Variants in AGMO observed in about 807,000 individuals in gnomAD.
The protein encoded by AGMO is alkylglycerol monooxygenase, also known as glyceryl-ether monooxygenase.
Under a neutral mutation model 60.2 loss-of-function variants are expected in AGMO, and 75 were observed. The ratio of observed to expected loss-of-function variants is 1.25; its 90% CI spans 1.03 to 1.51. The LOEUF (loss-of-function observed/expected upper bound fraction) is 1.51. AGMO is among the 40% of genes most tolerant of loss of function. AGMO has a pLI of 0.00. For synonymous variants in AGMO, 261 were observed against 177.1 expected, an observed-to-expected ratio of 1.47 and a Z score of -3.76; for missense variants, 763 against 525.5, an observed-to-expected ratio of 1.45 and a Z score of -4.42.
At chr7:15,137,755 C>T in the AGMO span, among the ~76,000 whole-genome samples, 2 of 152,114 alleles carry the variant, frequency 1.3e-5, no homozygotes, top group Admixed American at 1.3e-4. Flanking sequence ...CAAATGTCAC[C>T]ATAGGTAAGG....
At chr7:15,368,598 T>A (rs1005300955) in intron 10 of AGMO, among the ~76,000 whole-genome samples, 9 of 152,120 alleles carry the variant, frequency 5.9e-5, no homozygotes, top group African/African-American at 2.2e-4. Context: ...GTAATCTTAT[T>A]AAATACTTAA....
intron 2 of AGMO, among the ~76,000 whole-genome samples, chr7:15,557,721 G>GA (rs1291120134): frequency 6.6e-5 from 10 of 151,932 alleles, no homozygotes; most frequent in Admixed American, 2.6e-4. Flanking sequence ...CTGTAAAAGA[G>GA]AAAATTCCTT....
In AGMO at chr7:15,417,677, G is replaced by A. The variant is rs921921821; in HGVS notation, c.609+881C>T. Among the ~76,000 whole-genome samples, 16 of 152,078 alleles carry A rather than the reference G, an allele frequency of 1.1e-4. No homozygotes were observed. In the Middle Eastern group the frequency reaches 9.5e-3, roughly 90 times the overall value. On this transcript the variant is annotated intron_variant, in intron 5 of 12. Transcript: ENST00000342526. ...TAATGCTACATATGTCCAAAGTCAC[G>A]GTAACAGTCTCTTTATTCCAAGTAA...
chr7:15,125,369 T>C, the AGMO span, among the ~76,000 whole-genome samples: 1 of 152,224 alleles, frequency 6.6e-6, no homozygotes, highest in South Asian at 2.1e-4. Flanking sequence ...TGGCTAGAAG[T>C]GCAGTGGAGG....
intron 12 of AGMO, among the ~76,000 whole-genome samples, chr7:15,319,424 A>T (rs1437351892): frequency 6.6e-6 from 1 of 152,146 alleles, no homozygotes; most frequent in Non-Finnish European, 1.5e-5. Context: ...CTGAATTTGG[A>T]CTGGGGATCC....
chr7:15,321,800 AGATT>A (rs1291954662), intron 12 of AGMO, among the ~76,000 whole-genome samples: 13 of 152,094 alleles, frequency 8.5e-5, no homozygotes, highest in African/African-American at 1.4e-4. Flanking sequence ...AAATATGGCT[AGATT>A]GATTATTATT....
chr7:15,354,437 T>TAC lies in AGMO; in HGVS notation c.1263+11076_1263+11077insGT, dbSNP rs1563105558. 9.2e-4 allele frequency among the ~76,000 whole-genome samples: 19 copies of TAC among 20,550 alleles called. 4 individuals are homozygous for TAC. In the African/African-American group the frequency reaches 9.8e-3, roughly 11 times the overall value. The allele number at this position is 20,550 out of a possible 152,430, so 13.5% of individuals were successfully genotyped here. On this transcript the variant is annotated intron_variant, in intron 12 of 12. Coordinates refer to ENST00000342526, the MANE Select transcript of AGMO (RefSeq NM_001004320.2). Reference sequence around the variant, plus strand: ...GTGTGTGTATACACACACGTGTGTGTATACACACGTGTGTGTATACACACG... The same window carrying TAC: ...GTGTGTGTATACACACACGTGTGTGTACATACACACGTGTGTGTATACACACG...
intron 12 of AGMO, among the ~76,000 whole-genome samples, chr7:15,210,975 T>A (rs1040550003): frequency 2.6e-5 from 4 of 151,976 alleles, no homozygotes; most frequent in Non-Finnish European, 4.4e-5. Context: ...GTGTCATAAG[T>A]AAATTAGTGA....
chr7:15,514,927 G>C (rs968011140), intron 3 of AGMO, among the ~76,000 whole-genome samples: 1 of 152,158 alleles, frequency 6.6e-6, no homozygotes, highest in Admixed American at 6.6e-5. Context: ...ATCTATGTTA[G>C]GATTGAGAGG....
intron 12 of AGMO, among the ~76,000 whole-genome samples, chr7:15,259,791 T>C (rs941909907): frequency 3.3e-5 from 5 of 150,994 alleles, no homozygotes; most frequent in East Asian, 2.0e-4. Flanking sequence ...GCCAAGAATT[T>C]TGTATCCAGC....
At chr7:15,388,655 C>G (rs184444981) in intron 8 of AGMO, among the ~76,000 whole-genome samples, 62 of 152,140 alleles carry the variant, frequency 4.1e-4, no homozygotes, top group Non-Finnish European at 1.5e-4. Flanking sequence ...ATGATTTACG[C>G]CTAATAATAA....
the AGMO span, among the ~76,000 whole-genome samples, chr7:15,119,680 C>T: frequency 6.6e-6 from 1 of 152,092 alleles, no homozygotes; most frequent in African/African-American, 2.4e-5. Context: ...TAATACATGA[C>T]CAGAAACCTC....
At chr7:15,483,978 C>T (rs899254675) in intron 3 of AGMO, among the ~76,000 whole-genome samples, 1 of 152,112 alleles carries the variant, frequency 6.6e-6, no homozygotes, top group Non-Finnish European at 1.5e-5. Context: ...AAAAATAATG[C>T]TTCAATGAAC....
chr7:15,322,710 A>G (rs1292282305), intron 12 of AGMO, among the ~76,000 whole-genome samples: 1 of 43,466 alleles, frequency 2.3e-5, no homozygotes, highest in African/African-American at 1.4e-4. Context: ...GTATAAATAT[A>G]TATAAATATA....
At chr7:15,411,035 G>C (rs1475102920) in intron 5 of AGMO, among the ~76,000 whole-genome samples, 2 of 151,986 alleles carry the variant, frequency 1.3e-5, no homozygotes, top group South Asian at 2.1e-4. Context: ...TTAGGGTTTT[G>C]TCTTCATGAA....
chr7:15,241,042 A>C (rs576995607), intron 12 of AGMO, among the ~76,000 whole-genome samples: 3 of 152,266 alleles, frequency 2.0e-5, no homozygotes, highest in South Asian at 4.1e-4. Flanking sequence ...TATTAAATAC[A>C]TGTTGCCAAA....
chr7:15,344,603 T>C (rs1435621807), intron 12 of AGMO, among the ~76,000 whole-genome samples: 1 of 151,962 alleles, frequency 6.6e-6, no homozygotes, highest in Non-Finnish European at 1.5e-5. Context: ...GAGGCTAAAG[T>C]GTAAGGATTG....
chr7:15,335,693 T>C (rs1326382073), intron 12 of AGMO, among the ~76,000 whole-genome samples: 1 of 152,178 alleles, frequency 6.6e-6, no homozygotes, highest in East Asian at 1.9e-4. Flanking sequence ...TGCATACCAG[T>C]TACTGTTAAG....
At chr7:15,371,934 T>G (rs990542437) in intron 10 of AGMO, among the ~76,000 whole-genome samples, 1 of 152,014 alleles carries the variant, frequency 6.6e-6, no homozygotes, top group African/African-American at 2.4e-5. Context: ...TTTCTAAATA[T>G]TAAATATTTA....
Sources: allele counts gnomAD v4.1 joint callset (sites outside exome capture counted in the v4.1 genomes callset), GRCh38; gene constraint gnomAD v4.1.1; transcripts MANE v1.5; gene names NCBI Gene and HGNC (gene_info 2026-07-23, HGNC 2026-07-21).